Variants in RALYL observed in about 807,000 individuals in gnomAD.
RALYL encodes the protein RNA-binding Raly-like protein.
A neutral mutation model predicts 35.1 loss-of-function variants in RALYL; 29 were observed. The observed-to-expected ratio is 0.83, with a 90% CI of 0.61 to 1.13. RALYL has a LOEUF of 1.13. Ranked by LOEUF, RALYL falls within the 50% of genes most tolerant of loss-of-function variation. The pLI, the probability that RALYL is intolerant of heterozygous loss-of-function variation, is 0.00. For synonymous variants in RALYL, 120 were observed against 127.6 expected, an observed-to-expected ratio of 0.94 and a Z score of 0.40; for missense variants, 359 against 360.4, an observed-to-expected ratio of 1.00 and a Z score of 0.03.
chr8:84,315,464 C>T (rs912034127), intron 1 of RALYL, among the ~76,000 whole-genome samples: 1 of 152,054 alleles, frequency 6.6e-6, no homozygotes, highest in African/African-American at 2.4e-5. Flanking sequence ...ATACAAGAGA[C>T]TGATAACAAT....
chr8:84,646,283 A>G (rs1342243795), intron 2 of RALYL, among the ~76,000 whole-genome samples: 2 of 151,284 alleles, frequency 1.3e-5, no homozygotes, highest in African/African-American at 4.9e-5. Flanking sequence ...TCATTTTGTA[A>G]CTTACTTTTC....
intron 2 of RALYL, among the ~76,000 whole-genome samples, chr8:84,662,008 ATAATCTT>A (rs1476146200): frequency 1.3e-5 from 2 of 151,206 alleles, no homozygotes; most frequent in African/African-American, 4.9e-5. Flanking sequence ...AGCTTTTCTC[ATAATCTT>A]TAAAGACCTC....
chr8:84,551,180 A>G (rs1395039752), intron 2 of RALYL, among the ~76,000 whole-genome samples: 1 of 152,038 alleles, frequency 6.6e-6, no homozygotes, highest in African/African-American at 2.4e-5. Context: ...TTTCTACTAG[A>G]TAAAGGCTAG....
At chr8:84,731,204 C>T (rs1045990822) in intron 2 of RALYL, among the ~76,000 whole-genome samples, 3 of 152,074 alleles carry the variant, frequency 2.0e-5, no homozygotes, top group African/African-American at 2.4e-5. Flanking sequence ...CTCCCTTGCC[C>T]GTGGAGACAG....
intron 1 of RALYL, among the ~76,000 whole-genome samples, chr8:84,228,934 C>T (rs1824648854): frequency 1.3e-5 from 2 of 152,152 alleles, no homozygotes; most frequent in Non-Finnish European, 2.9e-5. Context: ...TGGTCCCACC[C>T]TTGACACATG....
chr8:84,439,029 A>C (rs551249339), intron 1 of RALYL, among the ~76,000 whole-genome samples: 1 of 151,990 alleles, frequency 6.6e-6, no homozygotes, highest in East Asian at 1.9e-4. Flanking sequence ...CAATGCCTTC[A>C]GCTTTGTTTT....
In RALYL at chr8:84,797,627, GA is replaced by G. The variant is rs567418543; in HGVS notation, c.333-7136del. 7.9e-5 allele frequency among the ~76,000 whole-genome samples: 12 copies of G among 152,002 alleles called. No individual in the cohort carries two copies. In the South Asian group the frequency reaches 2.5e-3, roughly 32 times the overall value. On this transcript the variant is annotated intron_variant, in intron 3 of 8. Transcript: ENST00000521268. Reference sequence around the variant, plus strand: ...AAATGCATATGAAAATTCCTTTGGAGAAAAAAAGTATGCAGTTAAAAAAAAA... The same window carrying G: ...AAATGCATATGAAAATTCCTTTGGAGAAAAAAGTATGCAGTTAAAAAAAAA...
chr8:84,632,405 GA>G (rs1352047849), intron 2 of RALYL, among the ~76,000 whole-genome samples: 1 of 151,888 alleles, frequency 6.6e-6, no homozygotes, highest in East Asian at 1.9e-4. Flanking sequence ...GTTTAAAGCA[GA>G]TGATAATATT....
intron 1 of RALYL, among the ~76,000 whole-genome samples, chr8:84,493,651 T>A (rs147231255): frequency 0.016 from 2,476 of 152,272 alleles, 69 homozygotes; most frequent in African/African-American, 0.056. Flanking sequence ...TGATTTGCAT[T>A]TCCCTAATGA....
At chr8:84,271,305 G>A (rs182139333) in intron 1 of RALYL, among the ~76,000 whole-genome samples, 10 of 151,966 alleles carry the variant, frequency 6.6e-5, no homozygotes, top group Admixed American at 2.6e-4. Context: ...AACATCATTA[G>A]GCATTAGGAA....
chr8:84,195,417 C>A (rs879334505), intron 1 of RALYL, among the ~76,000 whole-genome samples: 3 of 151,854 alleles, frequency 2.0e-5, no homozygotes, highest in African/African-American at 4.8e-5. Context: ...TCCAGCCCAG[C>A]GACAGAGCGA....
At position 84,493,998 on chromosome 8, in the gene RALYL, T is replaced by C. The variant is rs188823582; in HGVS notation, c.-23-35301T>C. On this transcript the variant is annotated intron_variant, in intron 1 of 8. Coordinates refer to ENST00000521268, the MANE Select transcript of RALYL (RefSeq NM_173848.7). ...TTGCCCATGCCTATGTCCTGAATGC[T>C]ATTGCCTAGGTTTTCTTCTAGGGTT... is the stretch of plus-strand genomic sequence containing the variant. Among the ~76,000 whole-genome samples, 36 of 152,320 alleles carry C rather than the reference T, an allele frequency of 2.4e-4. No homozygotes were observed. In the East Asian group the frequency reaches 6.8e-3, roughly 29 times the overall value.
intron 2 of RALYL, among the ~76,000 whole-genome samples, chr8:84,667,841 T>G (rs1832391487): frequency 6.6e-6 from 1 of 152,064 alleles, no homozygotes; most frequent in African/African-American, 2.4e-5. Context: ...TGGGTGTTGG[T>G]GTTTAGGGAC....
At chr8:84,521,860 T>A (rs938231209) in intron 1 of RALYL, among the ~76,000 whole-genome samples, 1 of 152,144 alleles carries the variant, frequency 6.6e-6, no homozygotes, top group Non-Finnish European at 1.5e-5. Flanking sequence ...TCCAATTACT[T>A]AATCTCAATC....
chr8:84,853,550 T>C (rs114419136), intron 5 of RALYL, among the ~76,000 whole-genome samples: 84 of 152,324 alleles, frequency 5.5e-4, no homozygotes, highest in African/African-American at 2.0e-3. Context: ...ATTTATTTGT[T>C]TTGTGTACAA....
chr8:84,827,201 T>C (rs576703999), intron 4 of RALYL, among the ~76,000 whole-genome samples: 2 of 151,740 alleles, frequency 1.3e-5, no homozygotes, highest in African/African-American at 4.8e-5. Flanking sequence ...GCTCCAGGGG[T>C]TCAATATCAA....
intron 4 of RALYL, among the ~76,000 whole-genome samples, chr8:84,816,947 TAAAA>T (rs1030623492): frequency 1.3e-5 from 2 of 151,936 alleles, no homozygotes; most frequent in African/African-American, 4.8e-5. Flanking sequence ...TAAAAAGAAA[TAAAA>T]AGAATACATC....
At chr8:84,648,299 T>C (rs1827928688) in intron 2 of RALYL, among the ~76,000 whole-genome samples, 1 of 152,094 alleles carries the variant, frequency 6.6e-6, no homozygotes, top group Admixed American at 6.6e-5. Flanking sequence ...CCAGTTTATC[T>C]TAATTCATCA....
chr8:84,300,539 T>C (rs994585169), intron 1 of RALYL, among the ~76,000 whole-genome samples: 3 of 152,070 alleles, frequency 2.0e-5, no homozygotes, highest in African/African-American at 4.8e-5. Context: ...TAGTAGGGTG[T>C]TGAACTCTTT....
Sources: gnomAD v4.1 joint callset for allele counts (sites outside exome capture counted in the v4.1 genomes callset) on GRCh38, gnomAD v4.1.1 for gene constraint, MANE v1.5 for transcripts, NCBI Gene and HGNC (gene_info 2026-07-23, HGNC 2026-07-21) for gene names.